Variants in NEMP2 observed in about 807,000 individuals in gnomAD.
NEMP2 encodes the protein nuclear envelope integral membrane protein 2.
NEMP2 carries 53 observed loss-of-function variants against 54.2 expected under a neutral mutation model. That is an observed-to-expected ratio of 0.98 (90% CI 0.78 to 1.23). The LOEUF is 1.23. Among genes scored for constraint, NEMP2 ranks in the 50% most tolerant of loss-of-function variants. The probability of loss-of-function intolerance (pLI) is 0.00; values close to 1 mark genes in which losing one functional copy is unlikely to be tolerated. For synonymous variants in NEMP2, 197 were observed against 190.3 expected, an observed-to-expected ratio of 1.04 and a Z score of -0.29; for missense variants, 455 against 511.3, an observed-to-expected ratio of 0.89 and a Z score of 1.06.
intron 7 of NEMP2, among the ~76,000 whole-genome samples, chr2:190,511,553 ATTTTT>A (rs72470733): frequency 1.5e-5 from 2 of 133,686 alleles, no homozygotes; most frequent in Non-Finnish European, 1.6e-5. Flanking sequence ...ATTAAATTTA[ATTTTT>A]TTTTTTTTTT....
the NEMP2 span, among the ~76,000 whole-genome samples, chr2:190,456,780 C>T: frequency 6.6e-6 from 1 of 152,216 alleles, no homozygotes; most frequent in African/African-American, 2.4e-5. This position sits in a 1 kb window ranked among gnomAD's most constrained non-coding sequence, Gnocchi z 5.4. Context: ...GCCTCAGCAT[C>T]GATACCTGCA....
chr2:190,534,232 T>C (rs575359946), intron 1 of NEMP2: 11 of 1,090,922 alleles, frequency 1.0e-5, no homozygotes, highest in South Asian at 8.9e-5. Context: ...GCTGTGCCAG[T>C]GACAAGCTGT....
At chr2:190,441,491 G>A in the NEMP2 span, among the ~76,000 whole-genome samples, 1 of 151,836 alleles carries the variant, frequency 6.6e-6, no homozygotes, top group Non-Finnish European at 1.5e-5. Context: ...GGCGGGGGTT[G>A]GGGGGAAAGC....
Position 190,531,084 on chromosome 2 carries a change from C to G in NEMP2, c.97+3475G>C, listed in dbSNP as rs1691128869. On this transcript the variant is annotated intron_variant, in intron 1 of 8. Transcript: ENST00000409150. This position sits in a 1 kb window ranked among gnomAD's most constrained non-coding sequence, Gnocchi z 4.7. ...AAATTAGAACAAAAACAACAACAATCCCCTTACAATGCAATCCAGGAAATG... is the reference window on the plus strand; with the variant it reads ...AAATTAGAACAAAAACAACAACAATGCCCTTACAATGCAATCCAGGAAATG... Among the ~76,000 whole-genome samples the G allele has an allele frequency of 6.6e-6, 1 of 152,194 alleles. No individual in the cohort carries two copies. Among genetic ancestry groups the G allele is most frequent in the Admixed American group, 6.5e-5 (1 of 15,278 alleles).
the NEMP2 span, chr2:190,477,432 C>A: frequency 1.1e-6 from 1 of 882,242 alleles, no homozygotes; most frequent in African/African-American, 1.8e-5. Flanking sequence ...ATGCATATAA[C>A]TTTTTTATCC....
At chr2:190,468,420 T>C in the NEMP2 span, among the ~76,000 whole-genome samples, 2 of 151,916 alleles carry the variant, frequency 1.3e-5, no homozygotes, top group Admixed American at 6.6e-5. Flanking sequence ...TGATTCAGTG[T>C]TGGGAAAAAG....
At chr2:190,603,105 C>T in the NEMP2 span, among the ~76,000 whole-genome samples, 2 of 152,170 alleles carry the variant, frequency 1.3e-5, no homozygotes, top group South Asian at 4.2e-4. Context: ...ATTTCTGTTC[C>T]TCTGAGCACA....
At chr2:190,442,409 A>C in the NEMP2 span, among the ~76,000 whole-genome samples, 7 of 152,118 alleles carry the variant, frequency 4.6e-5, no homozygotes, top group Non-Finnish European at 7.4e-5. Flanking sequence ...TTTCATCTGG[A>C]GGCAGTAGGT....
In NEMP2 at chr2:190,505,175, G is replaced by C. The variant is rs1690157699; in HGVS notation, c.*4014C>G. On this transcript the variant is annotated 3_prime_UTR_variant, in exon 9 of 9. Transcript: ENST00000409150. The surrounding 1 kb of genome is among the most constrained non-coding windows in gnomAD (Gnocchi z 5.8). ...CACCTCTTGAATGCCTTATCCATGG[G>C]GTCATTTCCTTCACTTTCTTAAAAA... 6.6e-6 allele frequency: 1 copy of C among 152,064 alleles called. No homozygotes were observed. Among genetic ancestry groups the C allele is most frequent in the African/African-American group, 2.4e-5 (1 of 41,412 alleles). The allele number at this position is 152,064 out of a possible 1,614,324, so 9.4% of individuals were successfully genotyped here.
the NEMP2 span, among the ~76,000 whole-genome samples, chr2:190,559,234 C>T: frequency 6.6e-6 from 1 of 152,044 alleles, no homozygotes; most frequent in East Asian, 1.9e-4. This position sits in a 1 kb window ranked among gnomAD's most constrained non-coding sequence, Gnocchi z 4.0. Flanking sequence ...TTACTGGAGA[C>T]TAGGAAAGCA....
the NEMP2 span, among the ~76,000 whole-genome samples, chr2:190,563,831 A>G: frequency 6.6e-6 from 1 of 152,370 alleles, no homozygotes; most frequent in East Asian, 1.9e-4. The surrounding 1 kb of genome is among the most constrained non-coding windows in gnomAD (Gnocchi z 4.3). Context: ...TCCAGAGCCA[A>G]TACCAGAAAC....
At position 190,529,922 on chromosome 2, in the gene NEMP2, G is replaced by A. The variant is rs770013467; in HGVS notation, c.98-4544C>T. Among the ~76,000 whole-genome samples the A allele has an allele frequency of 2.0e-5, 3 of 152,162 alleles. No individual in the cohort carries two copies. The highest frequency in any genetic ancestry group is 4.4e-5 in the Non-Finnish European group (3 of 68,016). On this transcript the variant is annotated intron_variant, in intron 1 of 8. Coordinates refer to ENST00000409150, the MANE Select transcript of NEMP2 (RefSeq NM_001142645.2). The surrounding 1 kb of genome is among the most constrained non-coding windows in gnomAD (Gnocchi z 4.7). ...AAGCCACAGGCTGCACTTCCCCCTT[G>A]CCCTACCCCATGGCCAATACATCCA... is the stretch of plus-strand genomic sequence containing the variant.
chr2:190,465,362 T>A, the NEMP2 span, among the ~76,000 whole-genome samples: 1 of 152,220 alleles, frequency 6.6e-6, no homozygotes, highest in Non-Finnish European at 1.5e-5. This position sits in a 1 kb window ranked among gnomAD's most constrained non-coding sequence, Gnocchi z 4.6. Context: ...AATAGGACAG[T>A]CATGCTGTTT....
Position 190,510,454 on chromosome 2 carries a change from T to C in NEMP2, c.1037A>G (p.Glu346Gly), listed in dbSNP as rs1408158882. ...TAGCTCCTCCAGAGCACTGTTCGTT[T>C]CAGCATCAGCTTGCTCCCTGTACTC... ...EDEYREQADA[E>G]TNSALEELRR... The change falls in exon 8 of 9, where the codon GAA becomes GGA. Residue 346 changes from glutamate to glycine, a missense_variant. By Grantham distance (98) the Glu-to-Gly change is moderately conservative (BLOSUM62 -2). Transcript: ENST00000409150. This position sits in a 1 kb window ranked among gnomAD's most constrained non-coding sequence, Gnocchi z 5.7. The C allele has an allele frequency of 1.3e-6, 2 of 1,551,840 alleles. No individual in the cohort carries two copies. Among genetic ancestry groups the C allele is most frequent in the African/African-American group, 1.4e-5 (1 of 73,178 alleles).
the NEMP2 span, among the ~76,000 whole-genome samples, chr2:190,438,767 AGAG>A: frequency 6.6e-6 from 1 of 152,260 alleles, no homozygotes; most frequent in Non-Finnish European, 1.5e-5. The surrounding 1 kb of genome is among the most constrained non-coding windows in gnomAD (Gnocchi z 5.2). Flanking sequence ...AAGAAATTAA[AGAG>A]GAGAAATAGA....
chr2:190,521,413 G>A lies in NEMP2; in HGVS notation c.214-2230C>T, dbSNP rs1231350294. Among the ~76,000 whole-genome samples the A allele has an allele frequency of 6.6e-6, 1 of 152,076 alleles. No individual in the cohort carries two copies. The highest frequency in any genetic ancestry group is 1.5e-5 in the Non-Finnish European group (1 of 68,022). On this transcript the variant is annotated intron_variant, in intron 2 of 8. Transcript: ENST00000409150. This position sits in a 1 kb window ranked among gnomAD's most constrained non-coding sequence, Gnocchi z 6.2. Reference sequence around the variant, plus strand: ...CTCCATAAAGGTAAGTCCCGACTTGGGCACGGGATCCTATCCACGTTTGCC... The same window carrying A: ...CTCCATAAAGGTAAGTCCCGACTTGAGCACGGGATCCTATCCACGTTTGCC...
the NEMP2 span, among the ~76,000 whole-genome samples, chr2:190,642,240 AAC>A: frequency 6.6e-6 from 1 of 152,146 alleles, no homozygotes; most frequent in Non-Finnish European, 1.5e-5. This position sits in a 1 kb window ranked among gnomAD's most constrained non-coding sequence, Gnocchi z 4.1. Context: ...TTATTCTTAC[AAC>A]AGAGATTGCA....
chr2:190,446,504 G>T, the NEMP2 span, among the ~76,000 whole-genome samples: 1 of 152,164 alleles, frequency 6.6e-6, no homozygotes, highest in East Asian at 1.9e-4. Context: ...CTATGTGTTA[G>T]CAGTAAAATC....
chr2:190,497,714 T>C, the NEMP2 span: 3 of 1,612,522 alleles, frequency 1.9e-6, no homozygotes, highest in East Asian at 4.5e-5. This position sits in a 1 kb window ranked among gnomAD's most constrained non-coding sequence, Gnocchi z 5.2. Context: ...GATACAGCCT[T>C]TACAGGTACA....
Sources: allele counts gnomAD v4.1 joint callset (sites outside exome capture counted in the v4.1 genomes callset), GRCh38; gene constraint gnomAD v4.1.1; non-coding constraint Gnocchi (gnomAD v3.1); transcripts MANE v1.5; gene names NCBI Gene and HGNC (gene_info 2026-07-23, HGNC 2026-07-21).